ARHGAP15: variants seen among roughly 807,000 people sequenced by gnomAD.
ARHGAP15 encodes Rho GTPase activating protein 15, also known as rho GTPase-activating protein 15.
ARHGAP15 carries 51 observed loss-of-function variants against 63.7 expected under a neutral mutation model. The observed-to-expected ratio is 0.80, with a 90% CI of 0.64 to 1.01. The LOEUF (loss-of-function observed/expected upper bound fraction) is 1.01, where lower values mean the gene tolerates loss of function less well. ARHGAP15 is among the 50% of genes least tolerant of loss of function. The pLI is 0.00. For missense variants in ARHGAP15, 560 were observed against 564.6 expected, an observed-to-expected ratio of 0.99 and a Z score of 0.08; for synonymous variants, 191 against 193.8, an observed-to-expected ratio of 0.99 and a Z score of 0.12.
At chr2:143,746,384 A>G (rs946774794) in intron 13 of ARHGAP15, among the ~76,000 whole-genome samples, 6 of 152,258 alleles carry the variant, frequency 3.9e-5, no homozygotes, top group Non-Finnish European at 1.5e-5. Context: ...CAAAGAAAGT[A>G]AAACACAGAA....
intron 10 of ARHGAP15, among the ~76,000 whole-genome samples, chr2:143,536,451 C>A (rs951985142): frequency 5.9e-5 from 9 of 151,580 alleles, no homozygotes; most frequent in Admixed American, 1.3e-4. Flanking sequence ...TGTACATGTG[C>A]CATGTTGGGG....
At chr2:143,369,001 AT>A (rs1348872951) in intron 6 of ARHGAP15, among the ~76,000 whole-genome samples, 2 of 152,168 alleles carry the variant, frequency 1.3e-5, no homozygotes, top group African/African-American at 4.8e-5. Flanking sequence ...TACTTTCTTT[AT>A]TGCATAAATG....
Position 143,266,658 on chromosome 2 carries a change from GAGAT to G in ARHGAP15, c.474+16062_474+16065del, listed in dbSNP as rs562845968. Among the ~76,000 whole-genome samples the G allele has an allele frequency of 3.9e-5, 6 of 152,256 alleles. No homozygotes were observed. In the South Asian group the frequency reaches 1.2e-3, roughly 32 times the overall value. ...GACTCCAATCTGATTTAGAGACAGA[GAGAT>G]AGAGTTCTCCTTAAATTATTTTGCA... On this transcript the variant is annotated intron_variant, in intron 6 of 13. Transcript: ENST00000295095.
intron 6 of ARHGAP15, among the ~76,000 whole-genome samples, chr2:143,365,485 C>T (rs531370730): frequency 1.3e-5 from 2 of 152,120 alleles, no homozygotes; most frequent in Admixed American, 6.5e-5. Flanking sequence ...TGCACATTGC[C>T]GTAATTGTCA....
At chr2:143,173,685 A>T (rs974544176) in intron 2 of ARHGAP15, among the ~76,000 whole-genome samples, 6 of 152,122 alleles carry the variant, frequency 3.9e-5, no homozygotes, top group Non-Finnish European at 7.4e-5. Flanking sequence ...TTTCATTTAC[A>T]GTTTGCCCCA....
At chr2:143,739,364 A>G (rs1685875333) in intron 13 of ARHGAP15, among the ~76,000 whole-genome samples, 3 of 152,086 alleles carry the variant, frequency 2.0e-5, no homozygotes, top group Non-Finnish European at 4.4e-5. Flanking sequence ...CAGAAAGGCC[A>G]TTTGGGAAAA....
chr2:143,319,544 T>C (rs547886324), intron 6 of ARHGAP15, among the ~76,000 whole-genome samples: 148 of 152,302 alleles, frequency 9.7e-4, no homozygotes, highest in African/African-American at 3.0e-3. Flanking sequence ...TATTTAATGC[T>C]GTTAATTTCT....
chr2:143,136,537 A>G (rs1689149770), intron 1 of ARHGAP15, among the ~76,000 whole-genome samples: 1 of 151,866 alleles, frequency 6.6e-6, no homozygotes, highest in Non-Finnish European at 1.5e-5. Context: ...AAGAGGTGGC[A>G]ATGTTTACAA....
intron 11 of ARHGAP15, among the ~76,000 whole-genome samples, chr2:143,605,995 C>A (rs1697994191): frequency 7.8e-6 from 1 of 127,922 alleles, no homozygotes; most frequent in Non-Finnish European, 1.6e-5. Flanking sequence ...GAGATGGTGC[C>A]ACTGCACTCC....
At chr2:143,158,118 G>T (rs569179353) in intron 2 of ARHGAP15, among the ~76,000 whole-genome samples, 7 of 151,816 alleles carry the variant, frequency 4.6e-5, no homozygotes, top group African/African-American at 1.7e-4. Flanking sequence ...ATAACACAAG[G>T]ATCTGATATT....
At chr2:143,202,703 A>T (rs892940914) in intron 3 of ARHGAP15, among the ~76,000 whole-genome samples, 5 of 152,118 alleles carry the variant, frequency 3.3e-5, no homozygotes, top group Non-Finnish European at 5.9e-5. Flanking sequence ...GGAGAGGATT[A>T]CATAAGGATG....
intron 6 of ARHGAP15, among the ~76,000 whole-genome samples, chr2:143,327,642 A>C (rs2105244186): frequency 6.6e-6 from 1 of 152,300 alleles, no homozygotes; most frequent in East Asian, 1.9e-4. Flanking sequence ...AAGACCTAAA[A>C]CCATAAAAAC....
intron 8 of ARHGAP15, among the ~76,000 whole-genome samples, chr2:143,485,573 T>A (rs778551578): frequency 6.6e-6 from 1 of 152,032 alleles, no homozygotes; most frequent in Non-Finnish European, 1.5e-5. Context: ...TTCCAATCAG[T>A]TTAAGGCAAT....
At chr2:143,721,565 G>A (rs1351537776) in intron 13 of ARHGAP15, among the ~76,000 whole-genome samples, 1 of 152,180 alleles carries the variant, frequency 6.6e-6, no homozygotes, top group Non-Finnish European at 1.5e-5. Context: ...TGAATCAAGA[G>A]AAGACAAGAT....
intron 12 of ARHGAP15, among the ~76,000 whole-genome samples, chr2:143,639,052 G>A (rs540476694): frequency 2.0e-5 from 3 of 152,024 alleles, no homozygotes; most frequent in East Asian, 1.9e-4. Context: ...GCTAGAATTC[G>A]AACCCATAAC....
At chr2:143,305,240 C>T (rs998137970) in intron 6 of ARHGAP15, 1 of 148,990 alleles carries the variant, frequency 6.7e-6, no homozygotes, top group Admixed American at 6.9e-5. Context: ...GAAAACAAAA[C>T]ACTGCAAGTT....
At chr2:143,547,008 T>A (rs1695362439) in intron 10 of ARHGAP15, among the ~76,000 whole-genome samples, 1 of 152,166 alleles carries the variant, frequency 6.6e-6, no homozygotes. Flanking sequence ...CAATTCATCA[T>A]CTTTGGTCTG....
At chr2:143,146,210 A>G (rs903908910) in intron 1 of ARHGAP15, among the ~76,000 whole-genome samples, 7 of 152,026 alleles carry the variant, frequency 4.6e-5, no homozygotes, top group African/African-American at 1.7e-4. Flanking sequence ...CAACATATAT[A>G]TTAAAAATAG....
At chr2:143,514,223 A>G (rs1693710079) in intron 9 of ARHGAP15, among the ~76,000 whole-genome samples, 1 of 152,214 alleles carries the variant, frequency 6.6e-6, no homozygotes, top group Non-Finnish European at 1.5e-5. Context: ...ACCTGCATGA[A>G]ATAGTTACTG....
Sources: allele counts gnomAD v4.1 joint callset (sites outside exome capture counted in the v4.1 genomes callset), GRCh38; gene constraint gnomAD v4.1.1; transcripts MANE v1.5; gene names NCBI Gene and HGNC (gene_info 2026-07-23, HGNC 2026-07-21).